HPS4: variants seen among roughly 807,000 people sequenced by gnomAD.
HPS4 encodes the protein HPS4 biogenesis of lysosomal organelles complex 3 subunit 2, also known as BLOC-3 complex member HPS4.
Under a neutral mutation model 70.3 loss-of-function variants are expected in HPS4, and 44 were observed. The observed-to-expected ratio is 0.63, with a 90% CI of 0.49 to 0.80. The LOEUF is 0.80. HPS4 is among the 30% of genes least tolerant of loss of function. The pLI, the probability that HPS4 is intolerant of heterozygous loss-of-function variation, is 0.00. For synonymous variants in HPS4, 377 were observed against 355.9 expected, an observed-to-expected ratio of 1.06 and a Z score of -0.67; for missense variants, 873 against 884.4, an observed-to-expected ratio of 0.99 and a Z score of 0.16.
chr22:26,483,801 G>GC (rs1213867330), upstream of HPS4: 2 of 1,071,918 alleles, frequency 1.9e-6, no homozygotes, highest in African/African-American at 3.4e-5. Context: ...GTCACGCGCC[G>GC]CCCCGCCTAC....
chr22:26,449,322 C>CA (rs2085060566), downstream of HPS4, among the ~76,000 whole-genome samples: 1 of 132,712 alleles, frequency 7.5e-6, no homozygotes, highest in Non-Finnish European at 1.6e-5. Flanking sequence ...CACTCCCCTG[C>CA]ATTTTTTTTT....
At position 26,451,993 on chromosome 22, in the gene HPS4, C is replaced by T. The variant is rs1471881671; in HGVS notation, c.*1240G>A. On this transcript the variant is annotated 3_prime_UTR_variant, in exon 14 of 14. Transcript: ENST00000398145. ...GAGGGATGCGCCCACGTTACGCGCG[C>T]GCGCGCGCGCGCACACACACACACA... The T allele has an allele frequency of 1.5e-3, 30 of 20,480 alleles. No homozygotes were observed. In the East Asian group the frequency reaches 0.026, roughly 18 times the overall value. 1.3% of individuals were successfully genotyped at this position (20,480 alleles called of 1,614,324 possible). A position where few individuals can be genotyped will look rare whatever the true frequency, so the allele number is the denominator to read the frequency against.
At chr22:26,465,645 C>A (rs563685515) in intron 9 of HPS4, 94 bp from the exon 10 acceptor site, 2 of 1,033,640 alleles carry the variant, frequency 1.9e-6, no homozygotes, top group African/African-American at 1.6e-5. Flanking sequence ...CCAACCCACA[C>A]GTGGGCTCGG....
At chr22:26,454,656 A>C (rs1031229042) in intron 13 of HPS4, among the ~76,000 whole-genome samples, 5 of 152,368 alleles carry the variant, frequency 3.3e-5, no homozygotes, top group African/African-American at 1.2e-4. Flanking sequence ...AATACCATTC[A>C]GGACATAGGC....
At chr22:26,453,549 C>A (rs2146248984) in intron 13 of HPS4, 145 bp from the exon 14 acceptor site, 1 of 843,254 alleles carries the variant, frequency 1.2e-6, no homozygotes. Flanking sequence ...AATTCTATTT[C>A]TTCAGCTGAG....
chr22:26,464,269 G>A lies in HPS4; in HGVS notation c.1361C>T (p.Pro454Leu), dbSNP rs957749322. The part of the protein sequence containing the change: ...EDHPGHSSQA[P>L]IPRADPLPRR... ...GGGGAGAGGGTCTGCTCTGGGAATG[G>A]GGGCTTGGCTGCTATGGCCAGGATG... Residue 454 changes from proline (P) to leucine (L), a missense_variant, in exon 11 of 14, where the codon CCC (proline) becomes CTC (leucine). Coordinates refer to ENST00000398145, the MANE Select transcript of HPS4 (RefSeq NM_022081.6). 3.1e-6 allele frequency: 5 copies of A among 1,614,030 alleles called. No homozygotes were observed. The African/African-American group carries it at 6.7e-5, about 22-fold the overall frequency.
rs760631556 is a variant in HPS4, at chr22:26,481,694, C to G, written c.41+28G>C. ...ACTCTAACCAACAGCCCAGCAAAAGCTATGCCATGGCAGGCCTTGTTACTC... is the reference window on the plus strand; with the variant it reads ...ACTCTAACCAACAGCCCAGCAAAAGGTATGCCATGGCAGGCCTTGTTACTC... On this transcript the variant is annotated intron_variant, in intron 2 of 13. Coordinates refer to ENST00000398145, the MANE Select transcript of HPS4 (RefSeq NM_022081.6). 4 of 1,611,662 alleles carry G rather than the reference C, an allele frequency of 2.5e-6. No individual in the cohort carries two copies. In the South Asian group the frequency reaches 4.4e-5, roughly 18 times the overall value.
At chr22:26,465,886 T>A (rs1463386121) in intron 9 of HPS4, 1 of 582,680 alleles carries the variant, frequency 1.7e-6, no homozygotes, top group East Asian at 3.2e-5. Flanking sequence ...ATAACTCTCC[T>A]GAGGACGCCT....
rs767173486 is a variant in HPS4 at position 26,470,778 on chromosome 22, A to C, written c.537T>G (p.Ile179Met). ...EPLLLLKAAR[I>M]LQTCQRSPHI... is the part of the protein sequence containing the mutation. ...GAGGCGAGCGCTGGCAGGTCTGCAG[A>C]ATGCGGGCTGCCTTCAGCAACAACA... Residue 179 changes from isoleucine (I) to methionine (M), a missense_variant, in exon 7 of 14, where the codon ATT becomes ATG. Physicochemically the swap from Ile to Met is conservative, Grantham distance 10 (BLOSUM62 1). Coordinates refer to ENST00000398145, the MANE Select transcript of HPS4 (RefSeq NM_022081.6). 3.1e-6 allele frequency: 5 copies of C among 1,614,230 alleles called. No homozygotes were observed. The South Asian group carries it at 5.5e-5, about 18-fold the overall frequency.
chr22:26,452,000 G>A lies in HPS4; in HGVS notation c.*1233C>T, dbSNP rs770072939. The A allele has an allele frequency of 0.15, 10,791 of 72,036 alleles. 424 individuals are homozygous for A. The highest frequency in any genetic ancestry group is 0.23 in the African/African-American group (2,623 of 11,188). The allele number at this position is 72,036 out of a possible 1,614,324, so 4.5% of individuals were successfully genotyped here. On this transcript the variant is annotated 3_prime_UTR_variant, in exon 14 of 14. Coordinates refer to ENST00000398145, the MANE Select transcript of HPS4 (RefSeq NM_022081.6). ...GCGCCCACGTTACGCGCGCGCGCGC[G>A]CGCGCACACACACACACACACACAC...
In HPS4 at chr22:26,453,408, T is replaced by C. The variant is rs2146245584; in HGVS notation, c.1956-4A>G. ...GTACACAGCCGTGGAGGCATTTCTG[T>C]TGGAGGAAGAAAGAAGGCAACGGTC... On this transcript the variant is annotated splice_polypyrimidine_tract_variant and splice_region_variant and intron_variant, in intron 13 of 13. Transcript: ENST00000398145. 4 of 1,613,738 alleles carry C rather than the reference T, an allele frequency of 2.5e-6. No individual in the cohort carries two copies. The highest frequency in any genetic ancestry group is 1.3e-5 in the African/African-American group (1 of 75,034).
Position 26,464,603 on chromosome 22 carries a change from T to C in HPS4, c.1027A>G (p.Asn343Asp). ...LESIRPAGLH[N>D]SARGEVLGLS... ...CCAAGAACCTCACCCCTGGCAGAGTTGTGCAGTCCTGCGGGCCTGATGCTC... is the reference window on the plus strand; with the variant it reads ...CCAAGAACCTCACCCCTGGCAGAGTCGTGCAGTCCTGCGGGCCTGATGCTC... The change falls in exon 11 of 14, where the codon AAC becomes GAC. Residue 343 changes from asparagine (N) to aspartate (D), a missense_variant. By Grantham distance (23) the Asn-to-Asp change is conservative (BLOSUM62 1). Coordinates refer to ENST00000398145, the MANE Select transcript of HPS4 (RefSeq NM_022081.6). 6.2e-7 allele frequency: 1 copy of C among 1,614,180 alleles called. No individual in the cohort carries two copies. Among genetic ancestry groups the C allele is most frequent in the Admixed American group, 1.7e-5 (1 of 60,032 alleles).
Position 26,453,181 on chromosome 22 carries a change from G to A in HPS4, c.*52C>T. On this transcript the variant is annotated 3_prime_UTR_variant, in exon 14 of 14. Coordinates refer to ENST00000398145, the MANE Select transcript of HPS4 (RefSeq NM_022081.6). ...AGAGGGGCCTTTTCAATTATAAAAG[G>A]CAGAGCTTCCTTTGCTGGTTTTCTC... The A allele has an allele frequency of 6.4e-7, 1 of 1,568,110 alleles. No homozygotes were observed. The highest frequency in any genetic ancestry group is 8.8e-7 in the Non-Finnish European group (1 of 1,140,066).
At position 26,472,381 on chromosome 22, in the gene HPS4, G is replaced by C; in HGVS notation, c.422C>G (p.Thr141Ser). 1 of 1,613,386 alleles carries C rather than the reference G, an allele frequency of 6.2e-7. No individual in the cohort carries two copies. Among genetic ancestry groups the C allele is most frequent in the African/African-American group, 1.3e-5 (1 of 75,054 alleles). Reference sequence around the variant, plus strand: ...GTTTTTCAGAATTTGCTCGATGAAGGTGTCCCACTCCGTGCTCAGTTCTTC... The same window carrying C: ...GTTTTTCAGAATTTGCTCGATGAAGCTGTCCCACTCCGTGCTCAGTTCTTC... Reference protein sequence around the residue: ...SQEELSTEWDTFIEQILKNTS... With the variant: ...SQEELSTEWDSFIEQILKNTS... Residue 141 changes from threonine to serine, a missense_variant, in exon 6 of 14, where the codon ACC becomes AGC. Thr to Ser is a moderately conservative substitution (Grantham distance 58, BLOSUM62 1). Coordinates refer to ENST00000398145, the MANE Select transcript of HPS4 (RefSeq NM_022081.6).
At position 26,483,749 on chromosome 22, in the gene HPS4, G is replaced by A. The variant is rs115916720; in HGVS notation, c.-554C>T. On this transcript the variant is annotated 5_prime_UTR_variant, in exon 1 of 14. Transcript: ENST00000398145. ...ATGTGGGCAGCAGCTGGGTACCTGC[G>A]ACTTCTGCCCCGTACCTGCGCGCGC... is the stretch of plus-strand genomic sequence containing the variant. The A allele has an allele frequency of 2.8e-3, 1,401 of 499,610 alleles. 17 individuals are homozygous for A. Among genetic ancestry groups the A allele is most frequent in the African/African-American group, 0.024 (1,190 of 49,504 alleles). 30.9% of individuals were successfully genotyped at this position (499,610 alleles called of 1,614,324 possible).
At chr22:26,448,913 G>A (rs1307987428), downstream of HPS4, among the ~76,000 whole-genome samples, 2 of 152,144 alleles carry the variant, frequency 1.3e-5, no homozygotes, top group South Asian at 2.1e-4. Context: ...ACAGAGAGCC[G>A]GGTGGCAGTC....
At chr22:26,456,623 C>CA (rs1322750559) in intron 13 of HPS4, among the ~76,000 whole-genome samples, 1 of 152,222 alleles carries the variant, frequency 6.6e-6, no homozygotes, top group African/African-American at 2.4e-5. Context: ...TGAGCCCCTG[C>CA]ACTCCAGCCT....
intron 11 of HPS4, 70 bp downstream of exon 11, chr22:26,463,847 G>A (rs1439648191): frequency 3.3e-6 from 5 of 1,503,536 alleles, no homozygotes; most frequent in Non-Finnish European, 9.2e-7. Flanking sequence ...TGTTGGCACA[G>A]TGCTGTGAGG....
At chr22:26,480,096 T>G (rs1264449413) in intron 2 of HPS4, among the ~76,000 whole-genome samples, 1 of 152,214 alleles carries the variant, frequency 6.6e-6, no homozygotes, top group Non-Finnish European at 1.5e-5. Flanking sequence ...TACACTGCAG[T>G]ATAACTATAT....
Sources: gnomAD v4.1 joint callset for allele counts (sites outside exome capture counted in the v4.1 genomes callset) on GRCh38, gnomAD v4.1.1 for gene constraint, MANE v1.5 for transcripts, NCBI Gene and HGNC (gene_info 2026-07-23, HGNC 2026-07-21) for gene names.